The following XIRP2 variants were observed in gnomAD, a reference collection of about 807,000 sequenced individuals.
The protein encoded by XIRP2 is xin actin binding repeat containing 2, also known as xin actin-binding repeat-containing protein 2.
XIRP2 carries 236 observed loss-of-function variants against 277.0 expected under a neutral mutation model. That is an observed-to-expected ratio of 0.85 (90% CI 0.77 to 0.95). The LOEUF (loss-of-function observed/expected upper bound fraction) is 0.95, where lower values mean the gene tolerates loss of function less well. Ranked by LOEUF, XIRP2 falls within the 40% of genes least tolerant of loss-of-function variation. The pLI is 0.00. For missense variants in XIRP2, 4,640 were observed against 4,157.5 expected (o/e 1.12, Z -3.19); for synonymous variants, 1,490 against 1,416.5 (o/e 1.05, Z -1.17).
At chr2:167,217,297 A>G (rs997933668) in intron 4 of XIRP2, among the ~76,000 whole-genome samples, 11 of 150,624 alleles carry the variant, frequency 7.3e-5, no homozygotes, top group African/African-American at 9.9e-5. Flanking sequence ...AAAAAAAAAG[A>G]AAAAAAAATT....
intron 2 of XIRP2, among the ~76,000 whole-genome samples, chr2:167,074,164 A>G (rs1193966755): frequency 6.6e-6 from 1 of 152,144 alleles, no homozygotes; most frequent in Non-Finnish European, 1.5e-5. Context: ...AGTCACTGAT[A>G]TTTCTCAGTC....
At chr2:167,087,482 TC>T (rs1553485400) in intron 2 of XIRP2, among the ~76,000 whole-genome samples, 4 of 152,192 alleles carry the variant, frequency 2.6e-5, no homozygotes, top group Non-Finnish European at 4.4e-5. Context: ...AGTTCGAGCT[TC>T]CCGGCTGCTT....
Position 167,218,285 on chromosome 2 carries a change from G to T in XIRP2, c.843G>T (p.Gln281His). 1 of 1,582,896 alleles carries T rather than the reference G, an allele frequency of 6.3e-7. No individual in the cohort carries two copies. Among genetic ancestry groups the T allele is most frequent in the Non-Finnish European group, 8.6e-7 (1 of 1,164,764 alleles). The stretch of plus-strand genomic sequence containing the variant: ...TTGCTCAATACCAATATCAACATCA[G>T]AACAGATCTGAGCAGGTAATACTAC... Reference protein sequence around the residue: ...NTFAQYQYQHQNRSEQEAIHS... With the variant: ...NTFAQYQYQHHNRSEQEAIHS... Residue 281 changes from glutamine to histidine, a missense_variant, in exon 5 of 11, where the codon CAG becomes CAT. Physicochemically the swap from Gln to His is conservative, Grantham distance 24. Transcript: ENST00000409195.
intron 2 of XIRP2, among the ~76,000 whole-genome samples, chr2:166,944,084 A>G (rs911782124): frequency 3.9e-5 from 6 of 152,218 alleles, no homozygotes; most frequent in African/African-American, 1.4e-4. Flanking sequence ...AATTGGTACA[A>G]TGAAGGATAG....
intron 3 of XIRP2, among the ~76,000 whole-genome samples, chr2:167,139,096 G>A (rs370146815): frequency 6.0e-5 from 9 of 149,184 alleles, no homozygotes; most frequent in African/African-American, 1.2e-4. Context: ...ATATATATAC[G>A]TACGTATATA....
At chr2:166,958,615 C>A (rs1237356565) in intron 2 of XIRP2, among the ~76,000 whole-genome samples, 1 of 151,712 alleles carries the variant, frequency 6.6e-6, no homozygotes, top group Non-Finnish European at 1.5e-5. Context: ...ATGCCTGCCT[C>A]TTAGGGTTGT....
intron 3 of XIRP2, among the ~76,000 whole-genome samples, chr2:167,164,376 G>T (rs900386554): frequency 6.6e-6 from 1 of 151,002 alleles, no homozygotes; most frequent in African/African-American, 2.4e-5. Context: ...AACCCGGGAG[G>T]CGGAGCTTGC....
intron 2 of XIRP2, among the ~76,000 whole-genome samples, chr2:167,012,007 T>A (rs1175580329): frequency 6.6e-6 from 1 of 152,094 alleles, no homozygotes; most frequent in Non-Finnish European, 1.5e-5. Context: ...ATTTTGTTGA[T>A]CTTTTCAAAA....
At chr2:167,220,622 G>C in intron 5 of XIRP2, among the ~76,000 whole-genome samples, 1 of 152,168 alleles carries the variant, frequency 6.6e-6, no homozygotes, top group East Asian at 1.9e-4. Flanking sequence ...AAGGAGTGCA[G>C]AGAAAGTAAG....
chr2:167,029,469 G>A (rs762824104), intron 2 of XIRP2, among the ~76,000 whole-genome samples: 1 of 152,038 alleles, frequency 6.6e-6, no homozygotes, highest in Non-Finnish European at 1.5e-5. Flanking sequence ...TAGAGCATGT[G>A]GTTTTTGCCA....
At chr2:167,237,490 C>T (rs1294095884) in intron 5 of XIRP2, among the ~76,000 whole-genome samples, 3 of 151,800 alleles carry the variant, frequency 2.0e-5, no homozygotes, top group Non-Finnish European at 4.4e-5. Context: ...GTGATGGTGG[C>T]CAACTACAAG....
chr2:166,965,155 A>G (rs1433362690), intron 2 of XIRP2, among the ~76,000 whole-genome samples: 1 of 151,872 alleles, frequency 6.6e-6, no homozygotes. Context: ...GCCCAATAAT[A>G]AGGGGCAGTT....
Position 167,249,598 on chromosome 2 carries a change from T to C in XIRP2, c.8206T>C (p.Ser2736Pro). ...DHSYESHKQQ[S>P]EIDVQTFTKK... ...CAGCTATGAAAGTCATAAACAGCAA[T>C]CTGAGATTGATGTTCAAACCTTTAC... The change falls in exon 9 of 11, where the codon TCT becomes CCT. Residue 2736 changes from serine to proline, a missense_variant. Ser to Pro is a moderately conservative substitution (Grantham distance 74). Coordinates refer to ENST00000409195, the MANE Select transcript of XIRP2 (RefSeq NM_152381.6). 1.2e-6 allele frequency: 2 copies of C among 1,613,548 alleles called. No homozygotes were observed. The highest frequency in any genetic ancestry group is 1.3e-5 in the African/African-American group (1 of 74,948).
At chr2:167,087,808 G>C (rs529403865) in intron 2 of XIRP2, among the ~76,000 whole-genome samples, 10 of 151,960 alleles carry the variant, frequency 6.6e-5, no homozygotes, top group Admixed American at 5.2e-4. Context: ...GCTCGCGCAC[G>C]GTGCGTGCAC....
At chr2:167,082,988 T>A (rs1169908064) in intron 2 of XIRP2, among the ~76,000 whole-genome samples, 1 of 152,232 alleles carries the variant, frequency 6.6e-6, no homozygotes, top group Non-Finnish European at 1.5e-5. Flanking sequence ...TTGCCATTGC[T>A]TTTGGTGTTT....
chr2:167,201,441 G>T (rs1693718908), intron 3 of XIRP2, among the ~76,000 whole-genome samples: 1 of 151,986 alleles, frequency 6.6e-6, no homozygotes, highest in African/African-American at 2.4e-5. Flanking sequence ...GGGACATTTG[G>T]ATGAAAGCGC....
chr2:167,181,889 C>A (rs1156917593), intron 3 of XIRP2, among the ~76,000 whole-genome samples: 1 of 152,108 alleles, frequency 6.6e-6, no homozygotes, highest in South Asian at 2.1e-4. Context: ...GTTTATGCAT[C>A]CCTGTTTCCC....
chr2:167,152,427 C>T (rs75886336), intron 3 of XIRP2, among the ~76,000 whole-genome samples: 15,033 of 151,982 alleles, frequency 0.099, 798 homozygotes, highest in South Asian at 0.16. Context: ...CATAAAAGCA[C>T]TCACGTTCAA....
intron 3 of XIRP2, among the ~76,000 whole-genome samples, chr2:167,182,819 TAAAG>T (rs904723668): frequency 3.9e-5 from 6 of 152,158 alleles, no homozygotes; most frequent in Non-Finnish European, 8.8e-5. Flanking sequence ...AAAGGAAAAT[TAAAG>T]AAAGAAAAAA....
Sources: allele counts gnomAD v4.1 joint callset (sites outside exome capture counted in the v4.1 genomes callset), GRCh38; gene constraint gnomAD v4.1.1; transcripts MANE v1.5; gene names NCBI Gene and HGNC (gene_info 2026-07-23, HGNC 2026-07-21).